OPCML: variants seen among roughly 807,000 people sequenced by gnomAD.
OPCML encodes the protein opioid binding protein/cell adhesion molecule like.
A neutral mutation model predicts 37.8 loss-of-function variants in OPCML; 13 were observed. The ratio of observed to expected loss-of-function variants is 0.34; its 90% CI spans 0.22 to 0.55. OPCML has a LOEUF of 0.55. OPCML is among the 20% of genes least tolerant of loss of function. The pLI is 0.91. For synonymous variants in OPCML, 176 were observed against 168.8 expected (o/e 1.04, Z -0.33); for missense variants, 341 against 435.6 (o/e 0.78, Z 1.93).
At chr11:132,652,349 A>AACACACACACACAC (rs5795793) in intron 3 of OPCML, among the ~76,000 whole-genome samples, 1,912 of 142,506 alleles carry the variant, frequency 0.013, 28 homozygotes, top group African/African-American at 0.031. Flanking sequence ...AAGAATGACA[A>AACACACACACACAC]ACACACACAC....
intron 3 of OPCML, among the ~76,000 whole-genome samples, chr11:132,633,481 G>A (rs953655169): frequency 3.3e-5 from 5 of 152,070 alleles, no homozygotes; most frequent in Admixed American, 2.0e-4. Context: ...ATATCTTTAC[G>A]TAAGCAAATG....
intron 2 of OPCML, among the ~76,000 whole-genome samples, chr11:132,786,541 G>T (rs1947217607): frequency 6.6e-6 from 1 of 152,128 alleles, no homozygotes; most frequent in South Asian, 2.1e-4. Flanking sequence ...GGCAAGTAGA[G>T]ATAATAACAT....
chr11:132,743,246 A>G (rs984052846), intron 2 of OPCML, among the ~76,000 whole-genome samples: 1 of 152,090 alleles, frequency 6.6e-6, no homozygotes, highest in African/African-American at 2.4e-5. Flanking sequence ...TCATTATTCA[A>G]CCATACAGAA....
chr11:133,531,534 C>A (rs936233795), intron 1 of OPCML, among the ~76,000 whole-genome samples: 1 of 152,004 alleles, frequency 6.6e-6, no homozygotes, highest in African/African-American at 2.4e-5. Context: ...GAGAGGATTC[C>A]GAATTTCAAG....
chr11:132,916,185 TA>T (rs1256886111), intron 2 of OPCML, among the ~76,000 whole-genome samples: 5 of 152,192 alleles, frequency 3.3e-5, no homozygotes, highest in Non-Finnish European at 2.9e-5. Context: ...GATGGTAACA[TA>T]TATATGCATC....
chr11:132,551,957 A>G (rs909554748), intron 3 of OPCML, among the ~76,000 whole-genome samples: 2 of 152,140 alleles, frequency 1.3e-5, no homozygotes, highest in Non-Finnish European at 2.9e-5. Flanking sequence ...GTGGCAACAA[A>G]TATCTTTGTC....
chr11:132,636,634 A>G (rs916534433), intron 3 of OPCML, among the ~76,000 whole-genome samples: 1 of 152,218 alleles, frequency 6.6e-6, no homozygotes, highest in African/African-American at 2.4e-5. Flanking sequence ...AAGGCTACAG[A>G]ACTGTGAGTG....
chr11:133,432,659 C>G (rs1459739168), intron 1 of OPCML, among the ~76,000 whole-genome samples: 1 of 152,178 alleles, frequency 6.6e-6, no homozygotes, highest in Non-Finnish European at 1.5e-5. Context: ...TTCAATTAGG[C>G]ATATGTTAGA....
chr11:133,499,878 T>TC (rs1947874486), intron 1 of OPCML, among the ~76,000 whole-genome samples: 1 of 134,874 alleles, frequency 7.4e-6, no homozygotes, highest in African/African-American at 3.2e-5. Context: ...ATATATATTT[T>TC]TTTTTTTTTT....
At chr11:132,982,486 A>G (rs910293449) in intron 1 of OPCML, among the ~76,000 whole-genome samples, 2 of 150,324 alleles carry the variant, frequency 1.3e-5, no homozygotes, top group Non-Finnish European at 2.9e-5. Flanking sequence ...ACAAGAAAGT[A>G]AAAAAGGAGA....
chr11:132,577,848 T>G (rs778094589), intron 3 of OPCML, among the ~76,000 whole-genome samples: 1 of 152,100 alleles, frequency 6.6e-6, no homozygotes, highest in Non-Finnish European at 1.5e-5. Flanking sequence ...AATTCTGGAG[T>G]TTAAGTCTTA....
At chr11:133,140,745 C>T (rs62637091) in intron 1 of OPCML, among the ~76,000 whole-genome samples, 2 of 80,278 alleles carry the variant, frequency 2.5e-5, no homozygotes, top group African/African-American at 3.8e-5. Flanking sequence ...ACGACGACGA[C>T]GAGGAAGAAG....
intron 1 of OPCML, among the ~76,000 whole-genome samples, chr11:133,509,939 C>G (rs896280123): frequency 6.6e-6 from 1 of 152,200 alleles, no homozygotes; most frequent in African/African-American, 2.4e-5. Flanking sequence ...CACATCCACT[C>G]CCCTCACCAG....
At chr11:133,353,531 T>A (rs563008620) in intron 1 of OPCML, among the ~76,000 whole-genome samples, 60 of 152,240 alleles carry the variant, frequency 3.9e-4, no homozygotes, top group African/African-American at 7.9e-4. Context: ...ATATTTTAAG[T>A]GCTTGGTCTC....
intron 3 of OPCML, among the ~76,000 whole-genome samples, chr11:132,565,340 C>A (rs776633010): frequency 6.6e-6 from 1 of 152,142 alleles, no homozygotes; most frequent in African/African-American, 2.4e-5. Context: ...AATTCCCACA[C>A]CTGGACCAAG....
intron 1 of OPCML, among the ~76,000 whole-genome samples, chr11:133,486,752 A>G (rs1240994062): frequency 6.6e-6 from 1 of 152,046 alleles, no homozygotes; most frequent in South Asian, 2.1e-4. Flanking sequence ...ACTTTAGGGT[A>G]CACACAGAGT....
chr11:133,517,059 C>T (rs1591590653), intron 1 of OPCML, among the ~76,000 whole-genome samples: 1 of 152,208 alleles, frequency 6.6e-6, no homozygotes, highest in African/African-American at 2.4e-5. Flanking sequence ...TTAGACGCAT[C>T]TTGCCAAGAA....
intron 1 of OPCML, among the ~76,000 whole-genome samples, chr11:133,467,701 A>C (rs925317267): frequency 2.6e-5 from 4 of 152,114 alleles, no homozygotes; most frequent in Non-Finnish European, 5.9e-5. Context: ...ATATGTCCTG[A>C]ATGGCAGAAC....
chr11:132,967,783 C>T (rs528538138), intron 1 of OPCML, among the ~76,000 whole-genome samples: 1 of 152,252 alleles, frequency 6.6e-6, no homozygotes, highest in East Asian at 1.9e-4. Context: ...TTTCTTTCAG[C>T]CTCAAGACTA....
Sources: allele counts gnomAD v4.1 joint callset (sites outside exome capture counted in the v4.1 genomes callset), GRCh38; gene constraint gnomAD v4.1.1; transcripts MANE v1.5; gene names NCBI Gene and HGNC (gene_info 2026-07-23, HGNC 2026-07-21).